Variants in ARCN1 observed in about 807,000 individuals in gnomAD.
ARCN1 encodes coatomer subunit delta.
A neutral mutation model predicts 60.4 loss-of-function variants in ARCN1; 5 were observed. The ratio of observed to expected loss-of-function variants is 0.08; its 90% CI spans 0.04 to 0.17. The LOEUF (loss-of-function observed/expected upper bound fraction) is 0.17. Among genes scored for constraint, ARCN1 ranks in the 10% least tolerant of loss-of-function variants. ARCN1 has a pLI of 1.00. For synonymous variants in ARCN1, 224 were observed against 220.0 expected, an observed-to-expected ratio of 1.02 and a Z score of -0.16; for missense variants, 464 against 626.5, an observed-to-expected ratio of 0.74 and a Z score of 2.77.
chr11:118,572,504 C>T lies in ARCN1; in HGVS notation c.-44C>T. On this transcript the variant is annotated 5_prime_UTR_variant, in exon 1 of 10. Coordinates refer to ENST00000264028, the MANE Select transcript of ARCN1 (RefSeq NM_001655.5). ...CGTTCCCCAGACCCTACCCCTATCC[C>T]CAGTGGAGCCGGAGTGCGGGCGCGC... 2.5e-6 allele frequency: 4 copies of T among 1,610,188 alleles called. No homozygotes were observed. Among genetic ancestry groups the T allele is most frequent in the Non-Finnish European group, 3.4e-6 (4 of 1,178,382 alleles).
At position 118,590,345 on chromosome 11, in the gene ARCN1, C is replaced by T. The variant is rs1555076082; in HGVS notation, c.823C>T (p.His275Tyr). ...HAPPINMESV[H>Y]MKIEEKITLT... ...TGTATTACTTTCTCTTTATAGTGTA[C>T]ATATGAAGATTGAAGAAAAGATAAC... Residue 275 changes from histidine to tyrosine, a missense_variant, in exon 6 of 10, where the codon CAT (histidine) becomes TAT (tyrosine). By Grantham distance (83) the His-to-Tyr change is moderately conservative. This residue lies in a region of ARCN1 where 359 missense variants were observed against 440.2 expected (regional missense o/e 0.82). Transcript: ENST00000264028. 5.6e-6 allele frequency: 9 copies of T among 1,611,590 alleles called. No homozygotes were observed. The highest frequency in any genetic ancestry group is 7.6e-6 in the Non-Finnish European group (9 of 1,177,920).
chr11:118,579,361 T>G (rs1244167245), intron 1 of ARCN1, among the ~76,000 whole-genome samples: 1 of 151,926 alleles, frequency 6.6e-6, no homozygotes, highest in Non-Finnish European at 1.5e-5. Context: ...TTTTGCCAAT[T>G]GTATAAACTT....
At chr11:118,573,594 G>C (rs1228136230) in intron 1 of ARCN1, 3 of 686,762 alleles carry the variant, frequency 4.4e-6, no homozygotes, top group Non-Finnish European at 8.0e-6. Context: ...GTTCTGTTCT[G>C]TTCTTTTTTA....
rs56050047 is a variant in ARCN1, at chr11:118,578,874, CTTTTTTTTTTTTTTTTTTTT to C, written c.4-2359_4-2340del. 9.6e-5 allele frequency among the ~76,000 whole-genome samples: 8 copies of C among 83,474 alleles called. No individual in the cohort carries two copies. The South Asian group carries it at 4.0e-3, about 42-fold the overall frequency. The allele number at this position is 83,474 out of a possible 152,430, so 54.8% of individuals were successfully genotyped here. ...GGCAACATGGCAAAACCCCGTCTCTCTTTTTTTTTTTTTTTTTTTTTTTTTTTTTTTTAATAAAAAAAGAA... is the reference window on the plus strand; with the variant it reads ...GGCAACATGGCAAAACCCCGTCTCTCTTTTTTTTTTTTAATAAAAAAAGAA... On this transcript the variant is annotated intron_variant, in intron 1 of 9. Coordinates refer to ENST00000264028, the MANE Select transcript of ARCN1 (RefSeq NM_001655.5).
rs1193128557 is a variant in ARCN1 at position 118,592,163 on chromosome 11, A to G, written c.985-546A>G. ...GCTGATGTCAAACTCCTGACCTTCA[A>G]TGCCCCTCTCACCTCAGCCTCCCCA... On this transcript the variant is annotated intron_variant, in intron 6 of 9. Transcript: ENST00000264028. Among the ~76,000 whole-genome samples the G allele has an allele frequency of 2.6e-5, 4 of 152,246 alleles. No homozygotes were observed. The East Asian group carries it at 5.8e-4, about 22-fold the overall frequency.
chr11:118,583,102 A>G (rs1938696851), intron 2 of ARCN1, 77 bp from the exon 3 acceptor site: 2 of 1,477,720 alleles, frequency 1.4e-6, no homozygotes, highest in Admixed American at 1.9e-5. Context: ...AAATTTATGT[A>G]CTCTAAAGGA....
At chr11:118,584,969 G>A (rs782464722) in intron 5 of ARCN1, among the ~76,000 whole-genome samples, 1 of 151,602 alleles carries the variant, frequency 6.6e-6, no homozygotes, top group Admixed American at 6.6e-5. Flanking sequence ...GGGACCACAG[G>A]CGCCCACCCC....
Position 118,601,510 on chromosome 11 carries a change from T to C in ARCN1, c.*796T>C. The C allele has an allele frequency of 1.6e-6, 1 of 634,778 alleles. No individual in the cohort carries two copies. Among genetic ancestry groups the C allele is most frequent in the African/African-American group, 1.8e-5 (1 of 55,026 alleles). 39.3% of individuals were successfully genotyped at this position (634,778 alleles called of 1,614,324 possible). On this transcript the variant is annotated 3_prime_UTR_variant, in exon 10 of 10. Coordinates refer to ENST00000264028, the MANE Select transcript of ARCN1 (RefSeq NM_001655.5). ...TCTTTCTATACATTCAGTCAGGCAC[T>C]GGGATCATCTGTTTACAGGCATTAT...
chr11:118,592,683 G>A, intron 6 of ARCN1, 26 bp from the exon 7 acceptor site: 5 of 1,603,044 alleles, frequency 3.1e-6, no homozygotes, highest in Non-Finnish European at 4.3e-6. Context: ...TGAACCTCAG[G>A]AGTTTTCCTT....
intron 9 of ARCN1, 137 bp downstream of exon 9, chr11:118,598,048 C>T: frequency 2.6e-6 from 2 of 758,656 alleles, no homozygotes; most frequent in South Asian, 3.7e-5. Flanking sequence ...TACAGGAATT[C>T]CCTTTCTAAT....
chr11:118,572,427 G>T lies in ARCN1; in HGVS notation c.-121G>T. 3 of 948,568 alleles carry T rather than the reference G, an allele frequency of 3.2e-6. 1 individual carries two copies. The highest frequency in any genetic ancestry group is 4.1e-5 in the South Asian group (2 of 49,036). 58.8% of individuals were successfully genotyped at this position (948,568 alleles called of 1,614,324 possible). ...GGCCGCCATCTTGGCAAGAGGCGAA[G>T]CGGCAGCGGTTCCTGTCAAGGGGGC... On this transcript the variant is annotated 5_prime_UTR_variant, in exon 1 of 10. Coordinates refer to ENST00000264028, the MANE Select transcript of ARCN1 (RefSeq NM_001655.5).
intron 8 of ARCN1, among the ~76,000 whole-genome samples, chr11:118,596,938 G>A (rs923912850): frequency 6.6e-6 from 1 of 152,154 alleles, no homozygotes; most frequent in Admixed American, 6.5e-5. Flanking sequence ...GGCCGGGTGC[G>A]GTGGCTCATG....
Position 118,572,534 on chromosome 11 carries a change from C to T in ARCN1, c.-14C>T. Reference sequence around the variant, plus strand: ...GGAGCCGGAGTGCGGGCGCGCCCCACCACCGCCCTCACCATGGTAAGATCC... The same window carrying T: ...GGAGCCGGAGTGCGGGCGCGCCCCATCACCGCCCTCACCATGGTAAGATCC... On this transcript the variant is annotated 5_prime_UTR_variant, in exon 1 of 10. Coordinates refer to ENST00000264028, the MANE Select transcript of ARCN1 (RefSeq NM_001655.5). The T allele has an allele frequency of 6.2e-7, 1 of 1,611,594 alleles. No homozygotes were observed. Among genetic ancestry groups the T allele is most frequent in the South Asian group, 1.1e-5 (1 of 90,712 alleles).
intron 1 of ARCN1, among the ~76,000 whole-genome samples, chr11:118,576,299 AT>A (rs1218323180): frequency 6.9e-3 from 998 of 143,808 alleles, no homozygotes; most frequent in Admixed American, 0.015. Flanking sequence ...TTATGAGGGA[AT>A]TTTTTTTTTT....
intron 1 of ARCN1, among the ~76,000 whole-genome samples, chr11:118,579,661 C>T (rs549379264): frequency 3.8e-4 from 58 of 151,262 alleles, no homozygotes; most frequent in Non-Finnish European, 1.2e-4. Context: ...GCACTCCAGC[C>T]TGGGCAACAA....
intron 7 of ARCN1, among the ~76,000 whole-genome samples, chr11:118,593,385 G>A (rs907513588): frequency 6.9e-6 from 1 of 145,378 alleles, no homozygotes; most frequent in Non-Finnish European, 1.5e-5. Flanking sequence ...GTGCCACCAC[G>A]CCTGGCTTTT....
chr11:118,590,193 C>G, intron 5 of ARCN1, 148 bp from the exon 6 acceptor site: 1 of 510,808 alleles, frequency 2.0e-6, no homozygotes, highest in East Asian at 3.5e-5. Flanking sequence ...CGGGGTTTCT[C>G]CATGTTGGTC....
chr11:118,575,331 A>G (rs1938467650), intron 1 of ARCN1, among the ~76,000 whole-genome samples: 1 of 152,108 alleles, frequency 6.6e-6, no homozygotes, highest in Non-Finnish European at 1.5e-5. Context: ...GCAAAGAAAG[A>G]AAATGATTCT....
intron 1 of ARCN1, chr11:118,573,892 G>C: frequency 2.1e-6 from 1 of 472,588 alleles, no homozygotes; most frequent in South Asian, 3.9e-5. Context: ...TATTTGGTTA[G>C]TGATTTTGAA....
Sources: allele counts gnomAD v4.1 joint callset (sites outside exome capture counted in the v4.1 genomes callset), GRCh38; gene constraint gnomAD v4.1.1; regional missense constraint gnomAD v4.1.1; transcripts MANE v1.5; gene names NCBI Gene and HGNC (gene_info 2026-07-23, HGNC 2026-07-21).